APPL2: variants seen among roughly 807,000 people sequenced by gnomAD.
APPL2 encodes the protein DCC-interacting protein 13-beta.
APPL2 carries 84 observed loss-of-function variants against 92.7 expected under a neutral mutation model. The ratio of observed to expected loss-of-function variants is 0.91; its 90% CI spans 0.76 to 1.09. APPL2 has a LOEUF of 1.09. Ranked by LOEUF, APPL2 falls within the 50% of genes least tolerant of loss-of-function variation. APPL2 has a pLI of 0.00. For missense variants in APPL2, 736 were observed against 824.5 expected (o/e 0.89, Z 1.31); for synonymous variants, 291 against 291.0 (o/e 1.00, Z 0.00).
At chr12:105,185,616 G>A (rs1179570659) in intron 17 of APPL2, among the ~76,000 whole-genome samples, 1 of 151,948 alleles carries the variant, frequency 6.6e-6, no homozygotes, top group African/African-American at 2.4e-5. Context: ...GCTGGGTACC[G>A]CAGTTGGAAA....
intron 4 of APPL2, among the ~76,000 whole-genome samples, chr12:105,213,529 T>C (rs1001754771): frequency 9.2e-5 from 14 of 152,228 alleles, no homozygotes; most frequent in Non-Finnish European, 8.8e-5. Context: ...AATGACATCC[T>C]GTCTCAGGTG....
At position 105,174,880 on chromosome 12, in the gene APPL2, G is replaced by A. The variant is rs887965505; in HGVS notation, c.1861-432C>T. ...GCTGCTGCTGCTTTTTTTTGGTGGG[G>A]GGGGGGGTGGTGCGGCGGTTGGAGA... On this transcript the variant is annotated intron_variant, in intron 20 of 20. Coordinates refer to ENST00000258530, the MANE Select transcript of APPL2 (RefSeq NM_018171.5). Among the ~76,000 whole-genome samples the A allele has an allele frequency of 1.4e-5, 2 of 138,340 alleles. 1 individual carries two copies. Among genetic ancestry groups the A allele is most frequent in the Non-Finnish European group, 3.1e-5 (2 of 63,722 alleles). 90.8% of individuals were successfully genotyped at this position (138,340 alleles called of 152,430 possible).
intron 17 of APPL2, among the ~76,000 whole-genome samples, chr12:105,183,142 A>G (rs1305589347): frequency 1.7e-5 from 2 of 120,814 alleles, no homozygotes; most frequent in Admixed American, 1.1e-4. Context: ...TTTTGAGCCT[A>G]TGTGTGTCTC....
At chr12:105,186,674 GAT>G (rs1491217145) in intron 17 of APPL2, among the ~76,000 whole-genome samples, 1 of 47,442 alleles carries the variant, frequency 2.1e-5, no homozygotes, top group Non-Finnish European at 5.7e-5. Context: ...TCATATATAT[GAT>G]ATATCATATA....
intron 1 of APPL2, among the ~76,000 whole-genome samples, chr12:105,233,992 T>C (rs568126776): frequency 1.4e-4 from 21 of 152,286 alleles, no homozygotes; most frequent in African/African-American, 4.3e-4. Context: ...GGAGTAAAGC[T>C]ACATTAGGCA....
intron 1 of APPL2, chr12:105,233,038 G>A (rs575994423): frequency 7.0e-4 from 659 of 935,250 alleles, no homozygotes; most frequent in African/African-American, 3.4e-3. Context: ...AACACAAACC[G>A]AGCAAGCAAC....
intron 20 of APPL2, among the ~76,000 whole-genome samples, chr12:105,174,650 A>C (rs111879098): frequency 3.3e-5 from 5 of 152,122 alleles, no homozygotes; most frequent in African/African-American, 1.2e-4. Flanking sequence ...CTGAGCCAAA[A>C]TATTGTTTAC....
chr12:105,193,178 T>A (rs1440015793), intron 14 of APPL2, among the ~76,000 whole-genome samples: 1 of 152,220 alleles, frequency 6.6e-6, no homozygotes, highest in African/African-American at 2.4e-5. Context: ...TCTAAGAATG[T>A]GACTTGCTTA....
At chr12:105,219,626 G>T (rs555461088) in intron 2 of APPL2, among the ~76,000 whole-genome samples, 2 of 152,318 alleles carry the variant, frequency 1.3e-5, no homozygotes, top group East Asian at 3.9e-4. Flanking sequence ...TGAAATCATG[G>T]TGTAAGGGTT....
intron 20 of APPL2, among the ~76,000 whole-genome samples, chr12:105,174,881 G>GT (rs1555244821): frequency 7.1e-5 from 10 of 140,820 alleles, no homozygotes; most frequent in African/African-American, 2.6e-4. Flanking sequence ...TTTGGTGGGG[G>GT]GGGGGGTGGT....
intron 17 of APPL2, 125 bp downstream of exon 17, chr12:105,188,148 A>C: frequency 5.5e-6 from 6 of 1,082,788 alleles, no homozygotes; most frequent in Non-Finnish European, 7.8e-6. Context: ...TTATGTAAAA[A>C]GTAGTGGGGG....
intron 2 of APPL2, among the ~76,000 whole-genome samples, chr12:105,219,240 A>G (rs1189181789): frequency 6.6e-6 from 1 of 152,140 alleles, no homozygotes; most frequent in Non-Finnish European, 1.5e-5. Flanking sequence ...GCCAAGTCCT[A>G]CCTTTTTTTG....
At chr12:105,223,942 C>T (rs1890308017) in intron 2 of APPL2, among the ~76,000 whole-genome samples, 1 of 152,130 alleles carries the variant, frequency 6.6e-6, no homozygotes, top group South Asian at 2.1e-4. Context: ...CTGATGATGG[C>T]TCGACCTGCC....
chr12:105,196,425 CTTTTTTTTTTTTTTTT>C (rs59820038), intron 11 of APPL2, among the ~76,000 whole-genome samples: 5 of 83,862 alleles, frequency 6.0e-5, no homozygotes, highest in South Asian at 5.5e-4. Flanking sequence ...GGCGTTAACT[CTTTTTTTTTTTTTTTT>C]TTTTTTTTTT....
chr12:105,204,992 G>C (rs1350672833), intron 8 of APPL2, among the ~76,000 whole-genome samples: 2 of 152,230 alleles, frequency 1.3e-5, no homozygotes, highest in Non-Finnish European at 2.9e-5. Context: ...TCAAGGGCTG[G>C]AGAAGGCAGG....
intron 17 of APPL2, among the ~76,000 whole-genome samples, chr12:105,185,191 G>A (rs1264989329): frequency 2.0e-5 from 3 of 152,118 alleles, no homozygotes; most frequent in African/African-American, 7.2e-5. Flanking sequence ...CAGTGTGTTG[G>A]GCTCCGTGGT....
chr12:105,186,631 T>TTG (rs1566055989), intron 17 of APPL2, among the ~76,000 whole-genome samples: 1 of 121,772 alleles, frequency 8.2e-6, no homozygotes, highest in South Asian at 2.6e-4. Context: ...ATATATCATA[T>TTG]ATATCATATA....
chr12:105,229,379 C>T (rs571717216), intron 1 of APPL2, among the ~76,000 whole-genome samples, 156 bp from the exon 2 acceptor site: 1 of 152,142 alleles, frequency 6.6e-6, no homozygotes, highest in African/African-American at 2.4e-5. Flanking sequence ...AGTACCAGTA[C>T]CATTTGATTC....
intron 9 of APPL2, among the ~76,000 whole-genome samples, chr12:105,203,209 G>A (rs994167982): frequency 6.6e-6 from 1 of 152,226 alleles, no homozygotes; most frequent in African/African-American, 2.4e-5. Context: ...GTGGCAGGGC[G>A]CCCACAGCCT....
Sources: allele counts gnomAD v4.1 joint callset (sites outside exome capture counted in the v4.1 genomes callset), GRCh38; gene constraint gnomAD v4.1.1; transcripts MANE v1.5; gene names NCBI Gene and HGNC (gene_info 2026-07-23, HGNC 2026-07-21).